Variants in DNAH6 observed in about 807,000 individuals in gnomAD.
The protein encoded by DNAH6 is dynein axonemal heavy chain 6, also known as axonemal beta dynein heavy chain 6.
A neutral mutation model predicts 491.4 loss-of-function variants in DNAH6; 340 were observed. The ratio of observed to expected loss-of-function variants is 0.69; its 90% CI spans 0.63 to 0.76. DNAH6 has a LOEUF of 0.76. Among genes scored for constraint, DNAH6 ranks in the 30% least tolerant of loss-of-function variants. The probability of loss-of-function intolerance (pLI) is 0.00; values close to 1 mark genes in which losing one functional copy is unlikely to be tolerated. For missense variants in DNAH6, 4,443 were observed against 4,972.2 expected (o/e 0.89, Z 3.20); for synonymous variants, 1,603 against 1,686.1 (o/e 0.95, Z 1.21).
At chr2:84,585,561 G>C (rs1187298386) in intron 15 of DNAH6, among the ~76,000 whole-genome samples, 1 of 151,736 alleles carries the variant, frequency 6.6e-6, no homozygotes, top group African/African-American at 2.4e-5. Context: ...ACTCCTCTCT[G>C]CAGGCAGGTT....
chr2:84,732,911 G>A (rs1699239864), intron 61 of DNAH6, among the ~76,000 whole-genome samples: 1 of 152,202 alleles, frequency 6.6e-6, no homozygotes, highest in South Asian at 2.1e-4. Flanking sequence ...TTGCCCACAT[G>A]TAAGTGCTTC....
chr2:84,525,661 G>A lies in DNAH6; in HGVS notation c.322G>A (p.Val108Ile), dbSNP rs1383906208. 47 of 1,550,428 alleles carry A rather than the reference G, an allele frequency of 3.0e-5. No homozygotes were observed. Among genetic ancestry groups the A allele is most frequent in the Non-Finnish European group, 3.6e-5 (41 of 1,146,348 alleles). The part of the protein sequence containing the change: ...LMTAGIIKRP[V>I]SIAKKSFATS... ...GACTGCAGGAATCATTAAACGTCCAGTAAGCATAGCAAAAAAAAGTTTTGC... is the reference window on the plus strand; with the variant it reads ...GACTGCAGGAATCATTAAACGTCCAATAAGCATAGCAAAAAAAAGTTTTGC... Residue 108 changes from valine (V) to isoleucine (I), a missense_variant, in exon 3 of 77, where the codon GTA (valine) becomes ATA (isoleucine). Transcript: ENST00000389394.
At chr2:84,726,871 C>A (rs190622126) in intron 60 of DNAH6, among the ~76,000 whole-genome samples, 30 of 152,278 alleles carry the variant, frequency 2.0e-4, no homozygotes, top group Admixed American at 1.0e-3. Context: ...CAGGCCTAAT[C>A]CCTCAATGCC....
At chr2:84,639,471 T>C (rs1044510267) in intron 31 of DNAH6, among the ~76,000 whole-genome samples, 1 of 146,888 alleles carries the variant, frequency 6.8e-6, no homozygotes, top group African/African-American at 2.5e-5. Context: ...CAGGCTGGAG[T>C]GCAATGGCAC....
intron 54 of DNAH6, 51 bp from the exon 55 acceptor site, chr2:84,709,292 G>T: frequency 6.5e-7 from 1 of 1,539,630 alleles, no homozygotes; most frequent in Non-Finnish European, 8.8e-7. Context: ...ATGTGCCCTC[G>T]TTTACTGAGT....
chr2:84,763,240 C>T (rs780097708), intron 64 of DNAH6, among the ~76,000 whole-genome samples: 8 of 151,806 alleles, frequency 5.3e-5, no homozygotes, highest in Admixed American at 1.3e-4. Flanking sequence ...TTTAACATAA[C>T]CAAAAAGGTA....
Position 84,658,361 on chromosome 2 carries a change from A to G in DNAH6, c.5827A>G (p.Ile1943Val), listed in dbSNP as rs562356590. Residue 1943 changes from isoleucine (I) to valine (V), a missense_variant, in exon 36 of 77, where the codon ATC becomes GTC. Physicochemically the swap from Ile to Val is conservative, Grantham distance 29. This residue lies in a region of DNAH6 where 2,977 missense variants were observed against 3,296.6 expected (regional missense o/e 0.90). Coordinates refer to ENST00000389394, the MANE Select transcript of DNAH6 (RefSeq NM_001370.2). Reference protein sequence around the residue: ...QRYVDEGLHFINKKCSQAIPQ... With the variant: ...QRYVDEGLHFVNKKCSQAIPQ... ...TTATGTTGATGAAGGTTTACATTTTATCAATAAAAAGTGCAGCCAAGCAAT... is the reference window on the plus strand; with the variant it reads ...TTATGTTGATGAAGGTTTACATTTTGTCAATAAAAAGTGCAGCCAAGCAAT... 4.4e-5 allele frequency: 68 copies of G among 1,549,022 alleles called. No individual in the cohort carries two copies. In the African/African-American group the frequency reaches 7.4e-4, roughly 17 times the overall value.
intron 42 of DNAH6, among the ~76,000 whole-genome samples, chr2:84,682,916 G>A (rs1693922061): frequency 6.6e-6 from 1 of 152,122 alleles, no homozygotes; most frequent in South Asian, 2.1e-4. Context: ...ACCTGCCTGT[G>A]TTGAGTCTCT....
At chr2:84,596,055 G>T (rs1684547173) in intron 18 of DNAH6, among the ~76,000 whole-genome samples, 1 of 152,170 alleles carries the variant, frequency 6.6e-6, no homozygotes, top group African/African-American at 2.4e-5. Context: ...ATAGGTTGTA[G>T]TTATGCTAAG....
chr2:84,722,593 C>T, intron 59 of DNAH6, 32 bp from the exon 60 acceptor site: 1 of 1,508,322 alleles, frequency 6.6e-7, no homozygotes, highest in Non-Finnish European at 8.9e-7. Context: ...TGGAACAGAT[C>T]CCTAAGAACT....
At chr2:84,476,005 A>G in the DNAH6 span, among the ~76,000 whole-genome samples, 2 of 152,184 alleles carry the variant, frequency 1.3e-5, no homozygotes, top group African/African-American at 2.4e-5. Flanking sequence ...AGGCACAGGT[A>G]GTTGTGCTTG....
chr2:84,517,769 A>G (rs751617068), intron 1 of DNAH6, 50 bp from the exon 2 acceptor site: 73 of 1,419,734 alleles, frequency 5.1e-5, no homozygotes, highest in Admixed American at 2.7e-4. Flanking sequence ...TCCTTCCCCA[A>G]TCCTTTTGAT....
chr2:84,624,179 C>G (rs1218029097), intron 26 of DNAH6, 86 bp from the exon 27 acceptor site: 4 of 1,241,012 alleles, frequency 3.2e-6, no homozygotes, highest in Non-Finnish European at 4.4e-6. Context: ...TTAGCAATGT[C>G]TCTCCAAATT....
At chr2:84,681,660 C>G (rs1160109689) in intron 42 of DNAH6, 132 bp downstream of exon 42, 7 of 680,724 alleles carry the variant, frequency 1.0e-5, no homozygotes, top group Admixed American at 4.1e-5. Context: ...TGTTCCTATT[C>G]AGGCTGAGTG....
chr2:84,558,411 G>A (rs1393426553), intron 11 of DNAH6, among the ~76,000 whole-genome samples: 4 of 147,726 alleles, frequency 2.7e-5, no homozygotes, highest in African/African-American at 7.5e-5. Context: ...GTGACAGAGC[G>A]AGACTCCATC....
intron 8 of DNAH6, 133 bp downstream of exon 8, chr2:84,548,550 T>C (rs1027751650): frequency 2.0e-5 from 19 of 949,220 alleles, no homozygotes; most frequent in East Asian, 1.8e-4. Context: ...TATCAAAGCA[T>C]CATGTTGTAT....
Position 84,595,661 on chromosome 2 carries a change from C to G in DNAH6, c.2740C>G (p.Leu914Val). 1 of 1,538,194 alleles carries G rather than the reference C, an allele frequency of 6.5e-7. No homozygotes were observed. Residue 914 changes from leucine to valine, a missense_variant, in exon 18 of 77, where the codon CTG becomes GTG. By Grantham distance (32) the Leu-to-Val change is conservative (BLOSUM62 1). This residue lies in a region of DNAH6 where 2,977 missense variants were observed against 3,296.6 expected (regional missense o/e 0.90). Coordinates refer to ENST00000389394, the MANE Select transcript of DNAH6 (RefSeq NM_001370.2). ...TTTTTCATAGTCCAAATTTGATTGC[C>G]TGGATCCAGAAGTCCTAAACGGTCA... ...QEWLKSKFDCLDPEVLNGQVS... is the reference protein window; with the variant it reads ...QEWLKSKFDCVDPEVLNGQVS...
intron 42 of DNAH6, among the ~76,000 whole-genome samples, chr2:84,682,745 A>AGTGG (rs1278729418): frequency 2.6e-5 from 4 of 152,044 alleles, no homozygotes; most frequent in African/African-American, 9.7e-5. Context: ...TATATCCCGA[A>AGTGG]TCTAACCACT....
intron 64 of DNAH6, among the ~76,000 whole-genome samples, chr2:84,763,431 G>A (rs1329127132): frequency 6.6e-6 from 1 of 151,452 alleles, no homozygotes; most frequent in Non-Finnish European, 1.5e-5. Context: ...AAGCTGATTT[G>A]GTTTTTTTTA....
Sources: allele counts gnomAD v4.1 joint callset (sites outside exome capture counted in the v4.1 genomes callset), GRCh38; gene constraint gnomAD v4.1.1; regional missense constraint gnomAD v4.1.1; transcripts MANE v1.5; gene names NCBI Gene and HGNC (gene_info 2026-07-23, HGNC 2026-07-21).